The following DACH1 variants were observed in gnomAD, a reference collection of about 807,000 sequenced individuals.
DACH1 encodes the protein dachshund homolog 1.
A neutral mutation model predicts 54.2 loss-of-function variants in DACH1; 12 were observed. The observed-to-expected ratio is 0.22, with a 90% CI of 0.14 to 0.36. The LOEUF is 0.36. DACH1 is among the 10% of genes least tolerant of loss of function. The probability of loss-of-function intolerance (pLI) is 1.00; values close to 1 mark genes in which losing one functional copy is unlikely to be tolerated. For synonymous variants in DACH1, 386 were observed against 366.2 expected (o/e 1.05, Z -0.62); for missense variants, 805 against 929.8 (o/e 0.87, Z 1.75).
At chr13:71,825,698 A>G (rs1445541242) in intron 1 of DACH1, among the ~76,000 whole-genome samples, 1 of 152,116 alleles carries the variant, frequency 6.6e-6, no homozygotes, top group Non-Finnish European at 1.5e-5. Context: ...TTATCTATTC[A>G]TCAGCTGATG....
intron 2 of DACH1, among the ~76,000 whole-genome samples, chr13:71,656,836 A>G (rs1027038510): frequency 2.0e-5 from 3 of 147,866 alleles, no homozygotes; most frequent in Admixed American, 6.7e-5. Flanking sequence ...ATAGACAGAT[A>G]GATTGATAGA....
At chr13:71,571,237 C>G (rs960421210) in intron 4 of DACH1, among the ~76,000 whole-genome samples, 2 of 151,970 alleles carry the variant, frequency 1.3e-5, no homozygotes, top group East Asian at 1.9e-4. Flanking sequence ...ATAATCACAT[C>G]GTATACATTA....
chr13:71,477,098 ATATAT>A (rs1877604889), intron 8 of DACH1, among the ~76,000 whole-genome samples: 1 of 51,732 alleles, frequency 1.9e-5, no homozygotes, highest in African/African-American at 7.1e-5. Context: ...ATATATATAT[ATATAT>A]ATTTTTTTTT....
chr13:71,635,195 T>C (rs1037924655), intron 2 of DACH1, among the ~76,000 whole-genome samples: 4 of 152,204 alleles, frequency 2.6e-5, no homozygotes, highest in Non-Finnish European at 5.9e-5. Flanking sequence ...TATTGTTATG[T>C]TACATTAAGT....
intron 1 of DACH1, among the ~76,000 whole-genome samples, chr13:71,821,889 T>C (rs1207234415): frequency 6.6e-6 from 1 of 151,964 alleles, no homozygotes; most frequent in Admixed American, 6.6e-5. Context: ...GGTGAAACCC[T>C]GTCTCTACTA....
chr13:71,572,917 G>C lies in DACH1; in HGVS notation c.1222C>G (p.Leu408Val), dbSNP rs1448094452. 1.9e-6 allele frequency: 3 copies of C among 1,613,974 alleles called. No individual in the cohort carries two copies. Among genetic ancestry groups the C allele is most frequent in the Non-Finnish European group, 2.5e-6 (3 of 1,179,998 alleles). ...GCTGCCATATTTGCAATGGTGCTGAGGTGGTTCATCTGGCTCATTGCCATG... is the reference window on the plus strand; with the variant it reads ...GCTGCCATATTTGCAATGGTGCTGACGTGGTTCATCTGGCTCATTGCCATG... Reference protein sequence around the residue: ...VTMAMSQMNHLSTIANMAAAA... With the variant: ...VTMAMSQMNHVSTIANMAAAA... Residue 408 changes from leucine to valine, a missense_variant, in exon 4 of 11, where the codon CTC becomes GTC. Physicochemically the swap from Leu to Val is conservative, Grantham distance 32. Transcript: ENST00000613252.
chr13:71,627,922 T>C (rs1362280983), intron 3 of DACH1, among the ~76,000 whole-genome samples: 1 of 152,024 alleles, frequency 6.6e-6, no homozygotes, highest in African/African-American at 2.4e-5. Context: ...GGAGGACAGA[T>C]TTGAAGAAAT....
chr13:71,617,811 T>G (rs1399521043), intron 3 of DACH1, among the ~76,000 whole-genome samples: 1 of 152,176 alleles, frequency 6.6e-6, no homozygotes, highest in Non-Finnish European at 1.5e-5. Context: ...ATCATGGGGC[T>G]ATATATTCAA....
chr13:71,631,456 G>A (rs1877096724), intron 2 of DACH1, among the ~76,000 whole-genome samples: 1 of 152,088 alleles, frequency 6.6e-6, no homozygotes, highest in African/African-American at 2.4e-5. Context: ...ACTAGATTGT[G>A]AACTACTCAA....
chr13:71,554,807 T>C (rs1006451670), intron 6 of DACH1, among the ~76,000 whole-genome samples: 1 of 152,154 alleles, frequency 6.6e-6, no homozygotes, highest in African/African-American at 2.4e-5. Flanking sequence ...ACCTAGTATA[T>C]TATTTCAACA....
chr13:71,468,618 A>T (rs1876800466), intron 10 of DACH1, among the ~76,000 whole-genome samples: 1 of 152,232 alleles, frequency 6.6e-6, no homozygotes, highest in Non-Finnish European at 1.5e-5. Flanking sequence ...AAAGTATGAA[A>T]GTCTTGGGAT....
At chr13:71,566,074 A>G (rs1884878852) in intron 4 of DACH1, among the ~76,000 whole-genome samples, 1 of 152,210 alleles carries the variant, frequency 6.6e-6, no homozygotes, top group African/African-American at 2.4e-5. Flanking sequence ...TGATTTGACC[A>G]GCATTGCCTT....
chr13:71,447,715 C>T (rs1593707393), intron 10 of DACH1, among the ~76,000 whole-genome samples: 1 of 151,794 alleles, frequency 6.6e-6, no homozygotes, highest in East Asian at 1.9e-4. Flanking sequence ...CGCCTGTAGT[C>T]CCAGCTACTT....
At chr13:71,659,987 A>C (rs1879386552) in intron 2 of DACH1, among the ~76,000 whole-genome samples, 1 of 152,162 alleles carries the variant, frequency 6.6e-6, no homozygotes, top group Non-Finnish European at 1.5e-5. Context: ...GTACCCATTC[A>C]AGAACCAATA....
chr13:71,463,611 T>A (rs1876300343), intron 10 of DACH1, among the ~76,000 whole-genome samples: 1 of 151,982 alleles, frequency 6.6e-6, no homozygotes, highest in Non-Finnish European at 1.5e-5. Flanking sequence ...TCCAAGTGAC[T>A]TACATCTATG....
chr13:71,829,698 G>A (rs1028074958), intron 1 of DACH1, among the ~76,000 whole-genome samples: 4 of 151,842 alleles, frequency 2.6e-5, no homozygotes, highest in African/African-American at 7.2e-5. Flanking sequence ...ACTGTCCTCA[G>A]GTGCAACCAT....
chr13:71,738,826 G>A (rs981056261), intron 1 of DACH1, among the ~76,000 whole-genome samples: 52 of 150,010 alleles, frequency 3.5e-4, no homozygotes, highest in Non-Finnish European at 2.8e-4. Context: ...GGACTGAGAT[G>A]ATCTGGCAAT....
intron 3 of DACH1, among the ~76,000 whole-genome samples, chr13:71,577,445 A>G (rs992027702): frequency 6.6e-6 from 1 of 152,208 alleles, no homozygotes; most frequent in Non-Finnish European, 1.5e-5. Flanking sequence ...CCCATTTTAT[A>G]AATGAGTGTT....
intron 2 of DACH1, among the ~76,000 whole-genome samples, chr13:71,636,587 C>G (rs1178495112): frequency 7.4e-5 from 11 of 148,794 alleles, no homozygotes. Context: ...AATAATTTTT[C>G]ACTGCGTAAA....
Sources: allele counts gnomAD v4.1 joint callset (sites outside exome capture counted in the v4.1 genomes callset), GRCh38; gene constraint gnomAD v4.1.1; transcripts MANE v1.5; gene names NCBI Gene and HGNC (gene_info 2026-07-23, HGNC 2026-07-21).